The following WWOX variants were observed in gnomAD, a reference collection of about 807,000 sequenced individuals.
WWOX encodes the protein WW domain-containing oxidoreductase.
In WWOX, 69 loss-of-function variants were observed where a neutral mutation model predicts 46.2. The ratio of observed to expected loss-of-function variants is 1.49; its 90% confidence interval spans 1.23 to 1.82. The LOEUF (loss-of-function observed/expected upper bound fraction) is 1.82. WWOX is among the 40% of genes most tolerant of loss of function. WWOX has a pLI of 0.00. For missense variants in WWOX, 919 were observed against 542.6 expected (o/e 1.69, Z -6.89); for synonymous variants, 359 against 202.6 (o/e 1.77, Z -6.56).
chr16:78,229,560 A>G (rs2037185348), intron 5 of WWOX, among the ~76,000 whole-genome samples: 1 of 150,164 alleles, frequency 6.7e-6, no homozygotes. Context: ...GACTGTTTGC[A>G]ACCTCAGATG....
At chr16:78,746,549 A>C (rs1180130645) in intron 8 of WWOX, among the ~76,000 whole-genome samples, 1 of 151,900 alleles carries the variant, frequency 6.6e-6, no homozygotes, top group Non-Finnish European at 1.5e-5. Flanking sequence ...CCTCATGAGC[A>C]GTGAAATGAA....
At chr16:78,818,174 A>T (rs1302424138) in intron 8 of WWOX, among the ~76,000 whole-genome samples, 1 of 152,208 alleles carries the variant, frequency 6.6e-6, no homozygotes, top group Non-Finnish European at 1.5e-5. Flanking sequence ...CCCTTGCAGA[A>T]GGTAGTCTCT....
chr16:78,757,009 C>G (rs991768092), intron 8 of WWOX: 2 of 699,830 alleles, frequency 2.9e-6, no homozygotes, highest in Non-Finnish European at 2.6e-6. Flanking sequence ...CTCCTGCCAA[C>G]AGCCATGTGA....
intron 8 of WWOX, among the ~76,000 whole-genome samples, chr16:79,010,254 G>A (rs115159431): frequency 0.016 from 2,488 of 152,268 alleles, 27 homozygotes; most frequent in Middle Eastern, 0.048. Context: ...GTGAGGAGCT[G>A]GGGACTCAGA....
intron 8 of WWOX, among the ~76,000 whole-genome samples, chr16:79,061,157 T>C (rs1230281042): frequency 6.6e-6 from 1 of 152,148 alleles, no homozygotes; most frequent in Admixed American, 6.5e-5. Flanking sequence ...GAGGGAGAAA[T>C]GATAACCAGA....
intron 8 of WWOX, among the ~76,000 whole-genome samples, chr16:79,009,337 A>G (rs2047256592): frequency 6.6e-6 from 1 of 152,186 alleles, no homozygotes; most frequent in Non-Finnish European, 1.5e-5. Flanking sequence ...GCTGCTCTGC[A>G]CTGCTGTGGC....
intron 8 of WWOX, among the ~76,000 whole-genome samples, chr16:79,049,416 C>A (rs992468209): frequency 3.3e-5 from 5 of 152,150 alleles, no homozygotes; most frequent in African/African-American, 1.2e-4. Context: ...TTGTAGGACG[C>A]AAAACCTTGA....
At chr16:79,115,101 G>A (rs184156813) in intron 8 of WWOX, among the ~76,000 whole-genome samples, 33 of 152,254 alleles carry the variant, frequency 2.2e-4, no homozygotes, top group South Asian at 4.1e-4. Flanking sequence ...CAATGCTGCC[G>A]CCTCCCACCC....
chr16:79,173,689 C>T (rs563810905), intron 8 of WWOX, among the ~76,000 whole-genome samples: 11 of 149,706 alleles, frequency 7.3e-5, no homozygotes, highest in African/African-American at 2.0e-4. Flanking sequence ...CCTGAAGGTT[C>T]AACAGCAGGT....
Position 79,023,077 on chromosome 16 carries a change from A to C in WWOX, c.1057-188531A>C, listed in dbSNP as rs139222945. On this transcript the variant is annotated intron_variant, in intron 8 of 8. Coordinates refer to ENST00000566780, the MANE Select transcript of WWOX (RefSeq NM_016373.4). ...CAAAAATAATACCTACAATAACCAC[A>C]ATATAGCAACAGCAATCATGTTCAA... is the stretch of plus-strand genomic sequence containing the variant. 3.9e-4 allele frequency among the ~76,000 whole-genome samples: 60 copies of C among 152,288 alleles called. No homozygotes were observed. In the East Asian group the frequency reaches 0.011, roughly 29 times the overall value.
intron 8 of WWOX, among the ~76,000 whole-genome samples, chr16:79,037,633 C>T (rs2047893599): frequency 6.6e-6 from 1 of 152,190 alleles, no homozygotes; most frequent in Non-Finnish European, 1.5e-5. Flanking sequence ...GGCAGGTTGC[C>T]ACACCCTCCC....
chr16:78,968,086 A>G (rs542641639), intron 8 of WWOX, among the ~76,000 whole-genome samples: 6 of 149,330 alleles, frequency 4.0e-5, no homozygotes, highest in Admixed American at 2.8e-4. Flanking sequence ...GGCACAGTGC[A>G]TGGTCCGCAT....
intron 8 of WWOX, among the ~76,000 whole-genome samples, chr16:78,541,334 C>T (rs931000324): frequency 8.0e-5 from 12 of 150,810 alleles, no homozygotes; most frequent in Non-Finnish European, 1.5e-4. Flanking sequence ...ATTAGCCGGG[C>T]GTAGTGGCGG....
intron 8 of WWOX, among the ~76,000 whole-genome samples, chr16:79,105,613 A>G (rs1217683425): frequency 6.6e-6 from 1 of 151,866 alleles, no homozygotes; most frequent in South Asian, 2.1e-4. Flanking sequence ...ACACAGTCCT[A>G]TATAATCTGC....
chr16:78,610,364 GAA>G (rs1247767874), intron 8 of WWOX, among the ~76,000 whole-genome samples: 1 of 152,132 alleles, frequency 6.6e-6, no homozygotes, highest in East Asian at 1.9e-4. Context: ...TCATGTGTAA[GAA>G]TATTGAAGGT....
chr16:78,495,018 A>G (rs2084878049), intron 8 of WWOX, among the ~76,000 whole-genome samples: 1 of 152,190 alleles, frequency 6.6e-6, no homozygotes, highest in Admixed American at 6.5e-5. Flanking sequence ...AGCCCCTCGG[A>G]CATGACGTAC....
At chr16:79,104,816 G>A (rs528303698) in intron 8 of WWOX, among the ~76,000 whole-genome samples, 2 of 152,136 alleles carry the variant, frequency 1.3e-5, no homozygotes, top group Non-Finnish European at 2.9e-5. Context: ...ATTTCAGGAC[G>A]TTGAAATACT....
At chr16:78,881,992 G>T (rs1252010434) in intron 8 of WWOX, among the ~76,000 whole-genome samples, 1 of 152,044 alleles carries the variant, frequency 6.6e-6, no homozygotes, top group African/African-American at 2.4e-5. Context: ...TGGGTGTGGT[G>T]GCGCATGCCT....
chr16:78,474,485 G>A (rs370950677), intron 8 of WWOX, among the ~76,000 whole-genome samples: 87 of 152,282 alleles, frequency 5.7e-4, no homozygotes, highest in African/African-American at 1.9e-3. Context: ...CCCCCTCATC[G>A]TGGTTCCCTT....
Sources: gnomAD v4.1 joint callset for allele counts (sites outside exome capture counted in the v4.1 genomes callset) on GRCh38, gnomAD v4.1.1 for gene constraint, MANE v1.5 for transcripts, NCBI Gene and HGNC (gene_info 2026-07-23, HGNC 2026-07-21) for gene names.